DYNC2H1: variants seen among roughly 807,000 people sequenced by gnomAD.
The protein encoded by DYNC2H1 is dynein cytoplasmic 2 heavy chain 1.
DYNC2H1 carries 410 observed loss-of-function variants against 570.0 expected under a neutral mutation model. That is an observed-to-expected ratio of 0.72 (90% CI 0.66 to 0.78). The LOEUF is 0.78. Among genes scored for constraint, DYNC2H1 ranks in the 30% least tolerant of loss-of-function variants. DYNC2H1 has a pLI of 0.00. For missense variants in DYNC2H1, 4,865 were observed against 5,046.4 expected, an observed-to-expected ratio of 0.96 and a Z score of 1.09; for synonymous variants, 1,688 against 1,677.6, an observed-to-expected ratio of 1.01 and a Z score of -0.15.
chr11:103,444,538 A>G (rs1282783416), intron 85 of DYNC2H1, among the ~76,000 whole-genome samples: 1 of 152,152 alleles, frequency 6.6e-6, no homozygotes, highest in Non-Finnish European at 1.5e-5. Flanking sequence ...AAAGGCAAAT[A>G]ACAGATCCTG....
rs1861758088 is a variant in DYNC2H1 at position 103,179,369 on chromosome 11, G to A, written c.6347+136G>A. 8 of 754,302 alleles carry A rather than the reference G, an allele frequency of 1.1e-5. No individual in the cohort carries two copies. The African/African-American group carries it at 1.1e-4, about 10-fold the overall frequency. 46.7% of individuals were successfully genotyped at this position (754,302 alleles called of 1,614,324 possible). ...TTATGATTAACTTCTTTTTTGTTAG[G>A]TTTTAATTAATTCAGAGAGTTCCTG... On this transcript the variant is annotated intron_variant, in intron 39 of 88. Coordinates refer to ENST00000375735, the MANE Select transcript of DYNC2H1 (RefSeq NM_001377.3).
At position 103,170,934 on chromosome 11, in the gene DYNC2H1, T is replaced by C; in HGVS notation, c.5200T>C (p.Cys1734Arg). Residue 1734 changes from cysteine to arginine, a missense_variant, in exon 34 of 89, where the codon TGT becomes CGT. This residue lies in a region of DYNC2H1 where 292 missense variants were observed against 300.2 expected (regional missense o/e 0.97). Coordinates refer to ENST00000375735, the MANE Select transcript of DYNC2H1 (RefSeq NM_001377.3). The surrounding 1 kb of genome is among the most constrained non-coding windows in gnomAD (Gnocchi z 4.8). ...MGRIFVGLVK[C>R]GAWGCFDEFN... is the part of the protein sequence containing the mutation. The stretch of plus-strand genomic sequence containing the variant: ...ACGAATATTTGTTGGTTTGGTGAAG[T>C]GTGGGGCCTGGGGTTGTTTTGATGA... 1 of 1,600,432 alleles carries C rather than the reference T, an allele frequency of 6.2e-7. No homozygotes were observed. The highest frequency in any genetic ancestry group is 8.5e-7 in the Non-Finnish European group (1 of 1,170,872).
At position 103,145,957 on chromosome 11, in the gene DYNC2H1, G is replaced by A. The variant is rs1431298520; in HGVS notation, c.2703-1815G>A. On this transcript the variant is annotated intron_variant, in intron 18 of 88. Coordinates refer to ENST00000375735, the MANE Select transcript of DYNC2H1 (RefSeq NM_001377.3). This position sits in a 1 kb window ranked among gnomAD's most constrained non-coding sequence, Gnocchi z 4.2. The stretch of plus-strand genomic sequence containing the variant: ...TAGATCACTTTATGTTAATTCATTA[G>A]CAAAATACAGTATAATATAACCTTT... 1.3e-5 allele frequency among the ~76,000 whole-genome samples: 2 copies of A among 152,132 alleles called. No homozygotes were observed. Among genetic ancestry groups the A allele is most frequent in the Non-Finnish European group, 2.9e-5 (2 of 68,012 alleles).
In DYNC2H1 at chr11:103,342,419, G is replaced by C. The variant is rs1274062688; in HGVS notation, c.12040-15824G>C. Among the ~76,000 whole-genome samples the C allele has an allele frequency of 5.3e-5, 8 of 152,102 alleles. No individual in the cohort carries two copies. In the East Asian group the frequency reaches 1.4e-3, roughly 26 times the overall value. On this transcript the variant is annotated intron_variant, in intron 82 of 88. Transcript: ENST00000375735. ...CCACCCCAGCCAGCTGCAGCAAGCT[G>C]CTCCAGTCCCCTTCCACAACGTGGA...
At chr11:103,423,040 T>C (rs1164166826) in intron 84 of DYNC2H1, among the ~76,000 whole-genome samples, 1 of 139,638 alleles carries the variant, frequency 7.2e-6, no homozygotes, top group African/African-American at 2.9e-5. Flanking sequence ...ATGCAAAGGG[T>C]CTACTGTAGA....
intron 83 of DYNC2H1, among the ~76,000 whole-genome samples, chr11:103,399,445 C>T (rs182307038): frequency 1.4e-4 from 21 of 151,872 alleles, no homozygotes; most frequent in African/African-American, 4.3e-4. Flanking sequence ...TGGGAGCCAC[C>T]GCGCCTGGCC....
chr11:103,430,056 C>T (rs1178074144), intron 84 of DYNC2H1, among the ~76,000 whole-genome samples: 1 of 152,118 alleles, frequency 6.6e-6, no homozygotes, highest in East Asian at 1.9e-4. Context: ...TGGTATTGCA[C>T]TCCTATTTGA....
chr11:103,294,286 G>T (rs11501363), intron 75 of DYNC2H1, among the ~76,000 whole-genome samples: 25,106 of 152,010 alleles, frequency 0.17, 2,259 homozygotes, highest in Admixed American at 0.25. Context: ...ATCATTGTCT[G>T]GACATTGAAG....
At chr11:103,273,281 C>G (rs1865781561) in intron 70 of DYNC2H1, among the ~76,000 whole-genome samples, 2 of 152,068 alleles carry the variant, frequency 1.3e-5, no homozygotes, top group South Asian at 4.2e-4. Flanking sequence ...CCTCTGCCTC[C>G]TGAGCTAAAG....
intron 84 of DYNC2H1, among the ~76,000 whole-genome samples, chr11:103,419,215 G>T (rs581324): frequency 0.5 from 76,487 of 152,018 alleles, 19,476 homozygotes; most frequent in African/African-American, 0.59. Flanking sequence ...CTGCTGGCTT[G>T]GGAGAATACA....
At chr11:103,386,187 G>A (rs1312761427) in intron 83 of DYNC2H1, among the ~76,000 whole-genome samples, 1 of 152,158 alleles carries the variant, frequency 6.6e-6, no homozygotes, top group Admixed American at 6.5e-5. Flanking sequence ...AGCCCTACTT[G>A]AAATAGAAGC....
At position 103,128,994 on chromosome 11, in the gene DYNC2H1, C is replaced by A. The variant is rs1859133140; in HGVS notation, c.1942C>A (p.Gln648Lys). Reference protein sequence around the residue: ...MMLQSALAFEQIIKNSKAGSG... With the variant: ...MMLQSALAFEKIIKNSKAGSG... The stretch of plus-strand genomic sequence containing the variant: ...GTTACAATCTGCCTTAGCATTTGAA[C>A]AGATAATTAAGGTAAATGGGCTTTT... The change falls in exon 13 of 89, where the codon CAG becomes AAG. Residue 648 changes from glutamine (Q) to lysine (K), a missense_variant. Gln to Lys is a moderately conservative substitution (Grantham distance 53). Coordinates refer to ENST00000375735, the MANE Select transcript of DYNC2H1 (RefSeq NM_001377.3). 1 of 1,602,122 alleles carries A rather than the reference C, an allele frequency of 6.2e-7. No homozygotes were observed. The highest frequency in any genetic ancestry group is 1.3e-5 in the African/African-American group (1 of 74,684).
At chr11:103,473,862 C>G (rs1435489061) in intron 88 of DYNC2H1, among the ~76,000 whole-genome samples, 1 of 152,120 alleles carries the variant, frequency 6.6e-6, no homozygotes, top group African/African-American at 2.4e-5. Context: ...CTGATAGGCA[C>G]AATTGACAAT....
At chr11:103,122,091 A>G (rs2134720782) in intron 10 of DYNC2H1, among the ~76,000 whole-genome samples, 1 of 152,332 alleles carries the variant, frequency 6.6e-6, no homozygotes. Flanking sequence ...AGTGAGAACA[A>G]TTTATAGATG....
In DYNC2H1 at chr11:103,334,576, T is replaced by C. The variant is rs1335688276; in HGVS notation, c.12039+10586T>C. Among the ~76,000 whole-genome samples, 1 of 152,084 alleles carries C rather than the reference T, an allele frequency of 6.6e-6. No individual in the cohort carries two copies. Among genetic ancestry groups the C allele is most frequent in the East Asian group, 1.9e-4 (1 of 5,204 alleles). On this transcript the variant is annotated intron_variant, in intron 82 of 88. Transcript: ENST00000375735. This position sits in a 1 kb window ranked among gnomAD's most constrained non-coding sequence, Gnocchi z 4.3. ...TTACTTTTTAAAATAAATTCAAAGTTCAGTATTGGTATCTAATATGTAACA... is the reference window on the plus strand; with the variant it reads ...TTACTTTTTAAAATAAATTCAAAGTCCAGTATTGGTATCTAATATGTAACA...
chr11:103,338,267 T>C (rs1418736340), intron 82 of DYNC2H1, among the ~76,000 whole-genome samples: 5 of 152,258 alleles, frequency 3.3e-5, no homozygotes, highest in Admixed American at 3.3e-4. Flanking sequence ...GTATTTTGGT[T>C]ACTATAGGTT....
intron 85 of DYNC2H1, among the ~76,000 whole-genome samples, chr11:103,436,711 CACCTTTGA>C (rs1944076443): frequency 6.6e-6 from 1 of 152,102 alleles, no homozygotes; most frequent in Admixed American, 6.6e-5. Flanking sequence ...ATCCCTGCTC[CACCTTTGA>C]ACCCCTAAGC....
chr11:103,416,329 C>CT, intron 84 of DYNC2H1, among the ~76,000 whole-genome samples: 1 of 152,144 alleles, frequency 6.6e-6, no homozygotes, highest in Non-Finnish European at 1.5e-5. Context: ...AAAGAAAAAA[C>CT]TACTTTTAAG....
chr11:103,283,135 T>C, intron 73 of DYNC2H1, 50 bp downstream of exon 73: 1 of 1,411,396 alleles, frequency 7.1e-7, no homozygotes. Context: ...TGTATTTGCA[T>C]TGTTTCTGTT....
Sources: allele counts gnomAD v4.1 joint callset (sites outside exome capture counted in the v4.1 genomes callset), GRCh38; gene constraint gnomAD v4.1.1; regional missense constraint gnomAD v4.1.1; non-coding constraint Gnocchi (gnomAD v3.1); transcripts MANE v1.5; gene names NCBI Gene and HGNC (gene_info 2026-07-23, HGNC 2026-07-21).